Variants in NCOR2 observed in about 807,000 individuals in gnomAD.
NCOR2 encodes CTG repeat protein 26.
In NCOR2, 81 loss-of-function variants were observed where a neutral mutation model predicts 262.9. The ratio of observed to expected loss-of-function variants is 0.31; its 90% confidence interval spans 0.26 to 0.37. The LOEUF is 0.37. Ranked by LOEUF, NCOR2 falls within the 10% of genes least tolerant of loss-of-function variation. The pLI is 1.00. For synonymous variants in NCOR2, 1,659 were observed against 1,559.3 expected (o/e 1.06, Z -1.51); for missense variants, 3,385 against 3,621.4 (o/e 0.93, Z 1.68).
chr12:124,333,990 A>ACG (rs2035620955), intron 41 of NCOR2, among the ~76,000 whole-genome samples: 7 of 148,728 alleles, frequency 4.7e-5, no homozygotes, highest in Admixed American at 1.3e-4. Flanking sequence ...GCGGGTGTGC[A>ACG]TGTGTGTGTG....
In NCOR2 at chr12:124,503,265, C is replaced by T. The variant is rs146045785; in HGVS notation, c.-117-7897G>A. On this transcript the variant is annotated intron_variant, in intron 1 of 46. Transcript: ENST00000404621. The surrounding 1 kb of genome is among the most constrained non-coding windows in gnomAD (Gnocchi z 4.3). ...AAAAGGCAAAAGGCCCTGCTGACCA[C>T]GGCCCACACCCAGTGACAGGTCTGG... 5.5e-4 allele frequency among the ~76,000 whole-genome samples: 84 copies of T among 152,354 alleles called. No individual in the cohort carries two copies. Among genetic ancestry groups the T allele is most frequent in the African/African-American group, 1.9e-3 (79 of 41,580 alleles).
intron 1 of NCOR2, among the ~76,000 whole-genome samples, chr12:124,487,078 A>G (rs2047802121): frequency 6.6e-6 from 1 of 152,212 alleles, no homozygotes; most frequent in South Asian, 2.1e-4. Flanking sequence ...GCCTGGGAAG[A>G]CAGGACTGAA....
chr12:124,342,941 A>G (rs529561799), intron 33 of NCOR2, 64 bp downstream of exon 35: 1 of 1,557,570 alleles, frequency 6.4e-7, no homozygotes, highest in South Asian at 1.2e-5. Flanking sequence ...CTGAGCGAAC[A>G]CTGATGAGGT....
chr12:124,549,777 C>T lies in NCOR2; in HGVS notation c.-164-14166G>A, dbSNP rs1042253291. 6.6e-6 allele frequency among the ~76,000 whole-genome samples: 1 copy of T among 152,182 alleles called. No homozygotes were observed. The highest frequency in any genetic ancestry group is 2.4e-5 in the African/African-American group (1 of 41,436). On this transcript the variant is annotated intron_variant, in intron 1 of 32. Transcript: ENST00000458234. The surrounding 1 kb of genome is among the most constrained non-coding windows in gnomAD (Gnocchi z 4.4). Reference sequence around the variant, plus strand: ...CCCTCAAGATAACCTTATCACGTTTCACGGAGGGAGAGAGGGCGGCAGGAA... The same window carrying T: ...CCCTCAAGATAACCTTATCACGTTTTACGGAGGGAGAGAGGGCGGCAGGAA...
intron 42 of NCOR2, among the ~76,000 whole-genome samples, 171 bp from the exon 45 acceptor site, chr12:124,332,638 G>A (rs951696151): frequency 6.6e-6 from 1 of 152,136 alleles, no homozygotes; most frequent in Non-Finnish European, 1.5e-5. Flanking sequence ...AATCTCCTCT[G>A]CGGTTCACCC....
intron 32 of NCOR2, 84 bp downstream of exon 34, chr12:124,344,513 C>G: frequency 7.9e-7 from 1 of 1,266,978 alleles, no homozygotes; most frequent in Non-Finnish European, 1.0e-6. Context: ...ATCCCAGGTG[C>G]AAACTAAGCT....
At chr12:124,391,888 G>A (rs747963460) in intron 16 of NCOR2, among the ~76,000 whole-genome samples, 13 of 152,210 alleles carry the variant, frequency 8.5e-5, no homozygotes, top group Non-Finnish European at 2.9e-5. Flanking sequence ...TCAATGTCAC[G>A]TTTTCCTACA....
Position 124,432,530 on chromosome 12 carries a change from A to C in NCOR2, c.883-1743T>G, listed in dbSNP as rs1306126049. Among the ~76,000 whole-genome samples the C allele has an allele frequency of 1.3e-5, 2 of 152,144 alleles. No homozygotes were observed. The highest frequency in any genetic ancestry group is 4.8e-5 in the African/African-American group (2 of 41,416). On this transcript the variant is annotated intron_variant, in intron 8 of 46. Transcript: ENST00000405201. The surrounding 1 kb of genome is among the most constrained non-coding windows in gnomAD (Gnocchi z 5.1). ...CACATGCGGCTGGGGCTCCGGCCGC[A>C]CCAGACAGCCCGGATGGAGCCCACT...
intron 15 of NCOR2, among the ~76,000 whole-genome samples, chr12:124,399,567 CCT>C (rs2041883741): frequency 1.3e-5 from 2 of 152,178 alleles, no homozygotes; most frequent in South Asian, 4.1e-4. Context: ...GGGAACGTTT[CCT>C]CTCTGAGCTT....
In NCOR2 at chr12:124,346,660, C is replaced by T. The variant is rs778286154; in HGVS notation, c.4263G>A (p.Ala1421=). 1.0e-4 allele frequency: 162 copies of T among 1,585,284 alleles called. No individual in the cohort carries two copies. The highest frequency in any genetic ancestry group is 1.7e-4 in the Middle Eastern group (1 of 5,972). Residue 1421 remains alanine (A), a synonymous_variant, in exon 31 of 47, where the codon GCG becomes GCA. Coordinates refer to ENST00000405201, the Ensembl canonical transcript of NCOR2. The stretch of plus-strand genomic sequence containing the variant: ...GCGGGATCTCATGGATGGAGCGGCC[C>T]GCCTCCTTCACCGTGGCCACCAGGC...
chr12:124,506,016 G>A (rs958920536), intron 1 of NCOR2, among the ~76,000 whole-genome samples: 1 of 150,276 alleles, frequency 6.7e-6, no homozygotes, highest in African/African-American at 2.5e-5. Flanking sequence ...GAGGCTCCTC[G>A]GCCACTGGGA....
At chr12:124,332,387 A>G in exon 43 of NCOR2, 1 of 1,614,190 alleles carries the variant, frequency 6.2e-7, no homozygotes, top group Non-Finnish European at 8.5e-7. Context: ...GGACTTGACC[A>G]TGGCGGAGTT....
chr12:124,519,020 C>T (rs2050010195), intron 1 of NCOR2, among the ~76,000 whole-genome samples: 1 of 151,522 alleles, frequency 6.6e-6, no homozygotes, highest in Admixed American at 6.6e-5. Context: ...AGCGTGACCC[C>T]CTCACACTGG....
chr12:124,425,696 A>T (rs987878057), intron 11 of NCOR2, among the ~76,000 whole-genome samples: 2 of 152,076 alleles, frequency 1.3e-5, no homozygotes, highest in Non-Finnish European at 2.9e-5. Flanking sequence ...TTTTGAGAGA[A>T]CTCGACTCCC....
intron 38 of NCOR2, chr12:124,335,975 T>G (rs1593103118): frequency 1.9e-5 from 5 of 268,278 alleles, no homozygotes; most frequent in East Asian, 7.0e-5. Context: ...GGGGAAGGAG[T>G]GTGTGGGGCG....
intron 13 of NCOR2, among the ~76,000 whole-genome samples, chr12:124,412,596 C>G (rs566916469): frequency 1.2e-4 from 19 of 152,242 alleles, no homozygotes; most frequent in Non-Finnish European, 2.5e-4. Flanking sequence ...CCCCAAACAC[C>G]TGGGAAGGGC....
At chr12:124,335,750 G>GGGGTA in intron 38 of NCOR2, 118 bp from the exon 41 acceptor site, 2 of 1,221,336 alleles carry the variant, frequency 1.6e-6, no homozygotes, top group Non-Finnish European at 2.2e-6. Flanking sequence ...ACCCAAGCTA[G>GGGGTA]GGGTAGGGTT....
chr12:124,325,384 CCCCCG>C, exon 47 of NCOR2: 4 of 486,682 alleles, frequency 8.2e-6, no homozygotes, highest in Non-Finnish European at 1.2e-5. Flanking sequence ...ACCGCCCCCC[CCCCCG>C]CCCTGTTCTG....
intron 1 of NCOR2, among the ~76,000 whole-genome samples, chr12:124,526,495 G>A (rs1481409015): frequency 1.3e-5 from 2 of 152,196 alleles, no homozygotes; most frequent in Admixed American, 1.3e-4. Flanking sequence ...AGGCACCATG[G>A]AGGGAACAGG....
Sources: gnomAD v4.1 joint callset for allele counts (sites outside exome capture counted in the v4.1 genomes callset) on GRCh38, gnomAD v4.1.1 for gene constraint, Gnocchi (gnomAD v3.1) non-coding constraint, MANE v1.5 for transcripts, NCBI Gene and HGNC (gene_info 2026-07-23, HGNC 2026-07-21) for gene names.